BTBD16: variants seen among roughly 807,000 people sequenced by gnomAD.
BTBD16 encodes BTB domain containing 16, also known as BTB/POZ domain-containing protein 16.
In BTBD16, 66 loss-of-function variants were observed where a neutral mutation model predicts 67.4. That is an observed-to-expected ratio of 0.98 (90% CI 0.80 to 1.20). The LOEUF (loss-of-function observed/expected upper bound fraction) is 1.20, where lower values mean the gene tolerates loss of function less well. Among genes scored for constraint, BTBD16 ranks in the 50% most tolerant of loss-of-function variants. BTBD16 has a pLI of 0.00. For synonymous variants in BTBD16, 242 were observed against 236.4 expected (o/e 1.02, Z -0.22); for missense variants, 634 against 616.0 (o/e 1.03, Z -0.31).
At chr10:122,325,294 A>G (rs2096442442) in intron 10 of BTBD16, among the ~76,000 whole-genome samples, 2 of 152,220 alleles carry the variant, frequency 1.3e-5, no homozygotes, top group Non-Finnish European at 2.9e-5. Context: ...CACCAAGAGT[A>G]CAACAATAAA....
At chr10:122,283,791 G>A (rs2096357739) in intron 3 of BTBD16, 60 bp from the exon 4 acceptor site, 1 of 1,259,554 alleles carries the variant, frequency 7.9e-7, no homozygotes, top group South Asian at 1.2e-5. Context: ...AATGCATGTT[G>A]TAGTTGGAGA....
intron 10 of BTBD16, among the ~76,000 whole-genome samples, chr10:122,320,317 AT>A (rs1047345357): frequency 6.6e-6 from 1 of 152,100 alleles, no homozygotes; most frequent in Non-Finnish European, 1.5e-5. Flanking sequence ...ATTAAATAAA[AT>A]TTTAACTATA....
chr10:122,299,786 G>A (rs1311398912), intron 9 of BTBD16, among the ~76,000 whole-genome samples: 2 of 152,130 alleles, frequency 1.3e-5, no homozygotes, highest in Non-Finnish European at 2.9e-5. Context: ...GCCCAAGATC[G>A]GAGGTCCAAT....
intron 10 of BTBD16, among the ~76,000 whole-genome samples, chr10:122,311,301 C>T (rs1056728637): frequency 6.6e-6 from 1 of 152,136 alleles, no homozygotes; most frequent in Non-Finnish European, 1.5e-5. Flanking sequence ...CACGCACGGT[C>T]GTGTGTGGCT....
intron 10 of BTBD16, among the ~76,000 whole-genome samples, chr10:122,314,315 G>C (rs2096419872): frequency 6.6e-6 from 1 of 152,104 alleles, no homozygotes; most frequent in Non-Finnish European, 1.5e-5. Context: ...ACCAGCCTGG[G>C]CAACATAGTG....
chr10:122,275,543 A>G (rs1014412420), intron 2 of BTBD16, among the ~76,000 whole-genome samples: 12 of 152,186 alleles, frequency 7.9e-5, no homozygotes, highest in Admixed American at 5.9e-4. Context: ...CATTTTACAC[A>G]TGAGAACTGA....
At chr10:122,301,928 G>A (rs2096394755) in intron 9 of BTBD16, among the ~76,000 whole-genome samples, 1 of 152,202 alleles carries the variant, frequency 6.6e-6, no homozygotes, top group Non-Finnish European at 1.5e-5. Context: ...GGTCATGGAG[G>A]CCAAGGCTAC....
intron 10 of BTBD16, among the ~76,000 whole-genome samples, chr10:122,313,257 G>GTTT (rs58984425): frequency 5.7e-5 from 8 of 139,134 alleles, no homozygotes; most frequent in Non-Finnish European, 6.2e-5. Context: ...AGTTAGTGCT[G>GTTT]TTTTTTTTTT....
Position 122,331,198 on chromosome 10 carries a change from G to A in BTBD16, c.1026G>A (p.Arg342=), listed in dbSNP as rs376082353. ...ITKGKDLEVL[R]HLNFFPESWL... The stretch of plus-strand genomic sequence containing the variant: ...CAGGCAAGGATCTGGAGGTGCTGCG[G>A]CACCTTAACTTCTTCCCAGAGTCAT... Residue 342 remains arginine (R), a synonymous_variant, in exon 12 of 16, where the codon CGG becomes CGA. Transcript: ENST00000260723. 67 of 1,612,740 alleles carry A rather than the reference G, an allele frequency of 4.2e-5. No homozygotes were observed. Among genetic ancestry groups the A allele is most frequent in the Non-Finnish European group, 5.5e-5 (65 of 1,179,478 alleles).
chr10:122,336,664 G>A lies in BTBD16; in HGVS notation c.1434G>A (p.Thr478=), dbSNP rs764234548. ...NQIKQKFGLT[T]SSCKSHTLKI... ...TCAAGCAGAAGTTTGGGTTGACCACGTCATCCTGCAAAAGCCATGCAAGTG... is the reference window on the plus strand; with the variant it reads ...TCAAGCAGAAGTTTGGGTTGACCACATCATCCTGCAAAAGCCATGCAAGTG... Residue 478 remains threonine, a synonymous_variant, in exon 15 of 16, where the codon ACG becomes ACA. Coordinates refer to ENST00000260723, the MANE Select transcript of BTBD16 (RefSeq NM_144587.5). The A allele has an allele frequency of 7.6e-6, 12 of 1,586,000 alleles. No individual in the cohort carries two copies. The highest frequency in any genetic ancestry group is 5.5e-5 in the African/African-American group (4 of 73,040).
intron 4 of BTBD16, 114 bp downstream of exon 4, chr10:122,284,038 A>G (rs1731569398): frequency 1.3e-6 from 1 of 746,876 alleles, no homozygotes; most frequent in Non-Finnish European, 2.3e-6. Flanking sequence ...TATAAGTTGC[A>G]ATTCTCATCC....
rs75337172 is a variant in BTBD16, at chr10:122,298,379, C to T, written c.660+542C>T. Among the ~76,000 whole-genome samples the T allele has an allele frequency of 5.5e-3, 845 of 152,286 alleles. 5 individuals carry two copies. Among genetic ancestry groups the T allele is most frequent in the East Asian group, 0.033 (171 of 5,180 alleles). On this transcript the variant is annotated intron_variant, in intron 8 of 15. Coordinates refer to ENST00000260723, the MANE Select transcript of BTBD16 (RefSeq NM_144587.5). ...TCTCCCATCATCGCGTCCTCCCCTT[C>T]GCCCCACTGGTAATTCCAAGGCCAC...
chr10:122,305,527 C>G (rs1411653207), intron 9 of BTBD16, among the ~76,000 whole-genome samples: 1 of 152,188 alleles, frequency 6.6e-6, no homozygotes, highest in South Asian at 2.1e-4. Flanking sequence ...ATCCTCCTCC[C>G]CCTTTACCTT....
chr10:122,284,673 A>ATTTTTT (rs60823097), intron 4 of BTBD16, among the ~76,000 whole-genome samples: 1 of 124,692 alleles, frequency 8.0e-6, no homozygotes. Context: ...CTTAAAGTGG[A>ATTTTTT]TTTTTTTTTT....
intron 13 of BTBD16, among the ~76,000 whole-genome samples, chr10:122,333,848 C>G (rs767898197): frequency 6.6e-6 from 1 of 152,036 alleles, no homozygotes; most frequent in Non-Finnish European, 1.5e-5. Context: ...CCACTGATGG[C>G]TTTTCCTTTA....
chr10:122,302,709 A>G (rs2096396455), intron 9 of BTBD16, among the ~76,000 whole-genome samples: 1 of 152,210 alleles, frequency 6.6e-6, no homozygotes, highest in Non-Finnish European at 1.5e-5. Flanking sequence ...TTTAGCTAAC[A>G]CTAACAATAC....
Position 122,332,450 on chromosome 10 carries a change from C to A in BTBD16, c.1101C>A (p.Gly367=), listed in dbSNP as rs561462280. The change falls in exon 13 of 16, where the codon GGC becomes GGA. Residue 367 remains glycine, a synonymous_variant. Coordinates refer to ENST00000260723, the MANE Select transcript of BTBD16 (RefSeq NM_144587.5). The part of the protein sequence containing the change: ...VNHYHALENG[G]DMVHLKDLNT... Reference sequence around the variant, plus strand: ...TTTCCTTTCAGCTGGAGAATGGGGGCGACATGGTCCACCTGAAAGATCTTA... The same window carrying A: ...TTTCCTTTCAGCTGGAGAATGGGGGAGACATGGTCCACCTGAAAGATCTTA... The A allele has an allele frequency of 3.7e-6, 6 of 1,613,790 alleles. No individual in the cohort carries two copies. In the South Asian group the frequency reaches 5.5e-5, roughly 15 times the overall value.
At chr10:122,271,687 TA>T (rs1400980859) in intron 1 of BTBD16, among the ~76,000 whole-genome samples, 173 bp downstream of exon 1, 1 of 152,108 alleles carries the variant, frequency 6.6e-6, no homozygotes, top group Non-Finnish European at 1.5e-5. Flanking sequence ...GAGACCATTG[TA>T]GGTAGCTCCT....
At chr10:122,304,640 T>C (rs1202454195) in intron 9 of BTBD16, among the ~76,000 whole-genome samples, 1 of 149,954 alleles carries the variant, frequency 6.7e-6, no homozygotes, top group Non-Finnish European at 1.5e-5. Context: ...CTGCAAGCTC[T>C]GCCTCCCAGG....
Sources: gnomAD v4.1 joint callset for allele counts (sites outside exome capture counted in the v4.1 genomes callset) on GRCh38, gnomAD v4.1.1 for gene constraint, MANE v1.5 for transcripts, NCBI Gene and HGNC (gene_info 2026-07-23, HGNC 2026-07-21) for gene names.